Variants in PHKA1 observed in about 807,000 individuals in gnomAD.
The protein encoded by PHKA1 is phosphorylase b kinase regulatory subunit alpha, skeletal muscle isoform.
A neutral mutation model predicts 110.2 loss-of-function variants in PHKA1; 60 were observed. The observed-to-expected ratio is 0.54, with a 90% CI of 0.44 to 0.68. PHKA1 has a LOEUF of 0.68. PHKA1 is among the 30% of genes least tolerant of loss of function. PHKA1 has a pLI of 0.00. For missense variants in PHKA1, 801 were observed against 942.5 expected, an observed-to-expected ratio of 0.85 and a Z score of 1.97; for synonymous variants, 316 against 333.6, an observed-to-expected ratio of 0.95 and a Z score of 0.58.
At chrX:72,617,876 G>A (rs192633527) in intron 21 of PHKA1, among the ~76,000 whole-genome samples, 108 of 108,027 alleles carry the variant, frequency 1.0e-3, no homozygotes, top group South Asian at 2.4e-3. Flanking sequence ...GAGTTCTTCC[G>A]AACTCATTTT....
In PHKA1 at chrX:72,668,851, C is replaced by G. The variant is rs145745544; in HGVS notation, c.619-1378G>C. ...AGACTCAAAAGTCCAAAATCTCATC[C>G]GTGAGTCTGAAATCAAAACAAGTTA... is the stretch of plus-strand genomic sequence containing the variant. On this transcript the variant is annotated intron_variant, in intron 6 of 31. Coordinates refer to ENST00000373542, the MANE Select transcript of PHKA1 (RefSeq NM_002637.4). Among the ~76,000 whole-genome samples the G allele has an allele frequency of 5.4e-5, 6 of 111,695 alleles. No homozygotes were observed. The East Asian group carries it at 1.7e-3, about 31-fold the overall frequency.
intron 16 of PHKA1, among the ~76,000 whole-genome samples, chrX:72,627,994 T>C (rs1270560994): frequency 8.4e-5 from 9 of 106,982 alleles, no homozygotes; most frequent in African/African-American, 2.7e-4. Context: ...ATTTTTTGTA[T>C]TTTTTTTGTT....
chrX:72,581,038 C>T lies in PHKA1; in HGVS notation c.3636G>A (p.Gln1212=). The change falls in exon 32 of 32, where the codon CAG becomes CAA. Residue 1212 remains glutamine (Q), a synonymous_variant. Transcript: ENST00000373542. ...YLSKAAATYV[Q]EFLPHSICAM... ...CACAGATGCTGTGGGGCAGGAACTC[C>T]TGCACGTAGGTGGCGGCTGCCTTGG... 1 of 1,211,468 alleles carries T rather than the reference C, an allele frequency of 8.3e-7. No individual in the cohort carries two copies. The highest frequency in any genetic ancestry group is 1.1e-6 in the Non-Finnish European group (1 of 895,263).
intron 16 of PHKA1, among the ~76,000 whole-genome samples, chrX:72,631,499 T>C (rs187137924): frequency 7.3e-4 from 82 of 111,759 alleles, no homozygotes; most frequent in African/African-American, 2.4e-3. Flanking sequence ...AAGTGGGGCC[T>C]AGTAAAATAG....
At chrX:72,686,023 GA>G in intron 4 of PHKA1, among the ~76,000 whole-genome samples, 1 of 111,724 alleles carries the variant, frequency 9.0e-6, no homozygotes, top group East Asian at 2.8e-4. Flanking sequence ...AGATCTAGAT[GA>G]AAAAAACTTC....
At chrX:72,604,085 A>G (rs781834464) in intron 25 of PHKA1, among the ~76,000 whole-genome samples, 14 of 110,321 alleles carry the variant, frequency 1.3e-4, no homozygotes, top group African/African-American at 4.6e-4. Context: ...GGCTAAATTA[A>G]GGAAAAGTGA....
intron 18 of PHKA1, chrX:72,622,059 A>C: frequency 1.2e-5 from 9 of 744,601 alleles, no homozygotes; most frequent in Non-Finnish European, 1.4e-5. Flanking sequence ...ATTTTATGCC[A>C]AGACATCATG....
intron 4 of PHKA1, 56 bp from the exon 5 acceptor site, chrX:72,684,636 T>G (rs1480360308): frequency 2.1e-5 from 15 of 731,589 alleles, no homozygotes; most frequent in Non-Finnish European, 3.2e-5. Flanking sequence ...ATAAGCTTTA[T>G]AGGCAGCCAT....
chrX:72,581,336 G>A (rs782674013), intron 31 of PHKA1, among the ~76,000 whole-genome samples, 161 bp from the exon 32 acceptor site: 1 of 111,457 alleles, frequency 9.0e-6, no homozygotes, highest in Admixed American at 9.5e-5. Context: ...GGACAAAAGG[G>A]TGAATATGAG....
At chrX:72,628,573 C>T (rs956590740) in intron 16 of PHKA1, among the ~76,000 whole-genome samples, 2 of 98,856 alleles carry the variant, frequency 2.0e-5, no homozygotes, top group Non-Finnish European at 3.9e-5. Flanking sequence ...TATATATATT[C>T]CCATATAAAT....
chrX:72,659,161 A>G (rs1367356000), intron 8 of PHKA1, among the ~76,000 whole-genome samples: 2 of 111,523 alleles, frequency 1.8e-5, no homozygotes, highest in East Asian at 5.6e-4. Flanking sequence ...GGACTTATGG[A>G]CATTTCATTT....
rs138752449 is a variant in PHKA1 at position 72,657,638 on chromosome X, G to A, written c.868C>T (p.Arg290Cys). 423 of 1,204,027 alleles carry A rather than the reference G, an allele frequency of 3.5e-4. No individual in the cohort carries two copies. The highest frequency in any genetic ancestry group is 4.4e-4 in the Non-Finnish European group (396 of 890,337). The change falls in exon 9 of 32, where the codon CGT becomes TGT. Residue 290 changes from arginine to cysteine, a missense_variant. By Grantham distance (180) the Arg-to-Cys change is radical (BLOSUM62 -3). Coordinates refer to ENST00000373542, the MANE Select transcript of PHKA1 (RefSeq NM_002637.4). Reference sequence around the variant, plus strand: ...CGTAGAAAGCGACAGCAACCATAACGACCCTGGGAATACAAAGAAAAAAGG... The same window carrying A: ...CGTAGAAAGCGACAGCAACCATAACAACCCTGGGAATACAAAGAAAAAAGG... Reference protein sequence around the residue: ...KQEIITKLQGRYGCCRFLRDG... With the variant: ...KQEIITKLQGCYGCCRFLRDG...
In PHKA1 at chrX:72,635,305, A is replaced by G; in HGVS notation, c.1570-6T>C. ...AACTGTTGCTGGTCTATAAACTGAG[A>G]CAAATAAAAATAATAGATTAGATTA... On this transcript the variant is annotated splice_polypyrimidine_tract_variant and splice_region_variant and intron_variant, in intron 15 of 31. Coordinates refer to ENST00000373542, the MANE Select transcript of PHKA1 (RefSeq NM_002637.4). 1.7e-6 allele frequency: 2 copies of G among 1,194,352 alleles called. No homozygotes were observed. The highest frequency in any genetic ancestry group is 2.3e-6 in the Non-Finnish European group (2 of 880,611).
At chrX:72,591,405 C>T (rs2052519007) in intron 29 of PHKA1, among the ~76,000 whole-genome samples, 1 of 109,700 alleles carries the variant, frequency 9.1e-6, no homozygotes, top group Admixed American at 9.7e-5. Context: ...CACACCAGGT[C>T]TGTCATGGGG....
At position 72,641,648 on chromosome X, in the gene PHKA1, G is replaced by A. The variant is rs782579811; in HGVS notation, c.1459+2714C>T. On this transcript the variant is annotated intron_variant, in intron 14 of 31. Coordinates refer to ENST00000373542, the MANE Select transcript of PHKA1 (RefSeq NM_002637.4). ...GTTTTGGAACTGACAATGAAATACTGAGCATTTGAGGGGAGAAAGAGAACT... is the reference window on the plus strand; with the variant it reads ...GTTTTGGAACTGACAATGAAATACTAAGCATTTGAGGGGAGAAAGAGAACT... 2.7e-5 allele frequency among the ~76,000 whole-genome samples: 3 copies of A among 111,613 alleles called. No individual in the cohort carries two copies. The East Asian group carries it at 8.4e-4, about 31-fold the overall frequency.
At chrX:72,617,989 C>A (rs1407874920) in intron 21 of PHKA1, among the ~76,000 whole-genome samples, 5 of 111,352 alleles carry the variant, frequency 4.5e-5, no homozygotes, top group Non-Finnish European at 9.4e-5. Context: ...TTATAAAACC[C>A]CCAATTTAGT....
At chrX:72,589,107 T>C (rs1009617830) in intron 29 of PHKA1, among the ~76,000 whole-genome samples, 1 of 111,599 alleles carries the variant, frequency 9.0e-6, no homozygotes, top group African/African-American at 3.3e-5. Context: ...TACCAAAGCC[T>C]GGCAGAGACA....
intron 14 of PHKA1, among the ~76,000 whole-genome samples, chrX:72,639,192 G>A (rs1010720457): frequency 2.7e-5 from 3 of 111,855 alleles, no homozygotes; most frequent in African/African-American, 9.8e-5. Context: ...ATAATGTAGT[G>A]AACATCCTTG....
chrX:72,681,326 C>T (rs1254514281), intron 5 of PHKA1, among the ~76,000 whole-genome samples: 9 of 106,337 alleles, frequency 8.5e-5, no homozygotes, highest in Admixed American at 2.0e-4. Flanking sequence ...CCCCTCCGCC[C>T]GGCAGCTGCC....
Sources: allele counts gnomAD v4.1 joint callset (sites outside exome capture counted in the v4.1 genomes callset), GRCh38; gene constraint gnomAD v4.1.1; transcripts MANE v1.5; gene names NCBI Gene and HGNC (gene_info 2026-07-23, HGNC 2026-07-21).